Variants in HDAC9 observed in about 807,000 individuals in gnomAD.
The protein encoded by HDAC9 is MEF-2 interacting transcription repressor (MITR) protein.
HDAC9 carries 41 observed loss-of-function variants against 139.4 expected under a neutral mutation model. The ratio of observed to expected loss-of-function variants is 0.29; its 90% confidence interval spans 0.23 to 0.38. The LOEUF is 0.38. Ranked by LOEUF, HDAC9 falls within the 10% of genes least tolerant of loss-of-function variation. HDAC9 has a pLI of 1.00. For synonymous variants in HDAC9, 517 were observed against 476.2 expected, an observed-to-expected ratio of 1.09 and a Z score of -1.12; for missense variants, 1,147 against 1,297.0, an observed-to-expected ratio of 0.88 and a Z score of 1.78.
At chr7:18,500,808 C>T (rs1216608105) in intron 2 of HDAC9, among the ~76,000 whole-genome samples, 1 of 151,844 alleles carries the variant, frequency 6.6e-6, no homozygotes, top group African/African-American at 2.4e-5. Flanking sequence ...AGTATTGCTT[C>T]CTACAAATAG....
chr7:18,122,090 T>C (rs1784398000), intron 1 of HDAC9, among the ~76,000 whole-genome samples: 3 of 152,206 alleles, frequency 2.0e-5, no homozygotes, highest in Admixed American at 1.3e-4. Context: ...CAAGTAACAG[T>C]AATTATAGTA....
At chr7:18,106,763 CAT>C (rs1783235623) in intron 1 of HDAC9, among the ~76,000 whole-genome samples, 1 of 152,134 alleles carries the variant, frequency 6.6e-6, no homozygotes, top group Non-Finnish European at 1.5e-5. Flanking sequence ...CCTGTGTACA[CAT>C]TTCTACCAGA....
At chr7:18,430,739 T>G (rs75341068) in intron 1 of HDAC9, 1 of 140,956 alleles carries the variant, frequency 7.1e-6, no homozygotes, top group African/African-American at 2.6e-5. Context: ...AAAAAAAAAA[T>G]AGTCAGATGT....
intron 1 of HDAC9, among the ~76,000 whole-genome samples, chr7:18,381,001 C>T (rs953317926): frequency 6.6e-6 from 1 of 151,668 alleles, no homozygotes; most frequent in African/African-American, 2.4e-5. Context: ...AATTCAAGAC[C>T]AGCCAGGCCA....
intron 24 of HDAC9, among the ~76,000 whole-genome samples, chr7:18,959,311 C>G (rs1190207511): frequency 6.6e-6 from 1 of 152,014 alleles, no homozygotes; most frequent in Non-Finnish European, 1.5e-5. Flanking sequence ...CTGTGAAACC[C>G]CAAAACATGA....
intron 1 of HDAC9, among the ~76,000 whole-genome samples, chr7:18,327,254 G>A (rs1184138696): frequency 6.6e-6 from 1 of 151,746 alleles, no homozygotes; most frequent in Non-Finnish European, 1.5e-5. Context: ...ATGATGAGCA[G>A]TTACCTACTA....
At chr7:18,660,678 A>G (rs1792840151) in intron 11 of HDAC9, among the ~76,000 whole-genome samples, 1 of 152,144 alleles carries the variant, frequency 6.6e-6, no homozygotes, top group Non-Finnish European at 1.5e-5. Flanking sequence ...ATAATAACAG[A>G]GGTAAAATAT....
At chr7:18,694,067 A>G (rs1782859005) in intron 12 of HDAC9, among the ~76,000 whole-genome samples, 3 of 152,180 alleles carry the variant, frequency 2.0e-5, no homozygotes, top group Non-Finnish European at 4.4e-5. Context: ...TCACATTTGT[A>G]TTTTGCAAGT....
intron 2 of HDAC9, among the ~76,000 whole-genome samples, chr7:18,175,320 A>G (rs1480791857): frequency 6.6e-6 from 1 of 152,182 alleles, no homozygotes; most frequent in Non-Finnish European, 1.5e-5. Context: ...GGAAAAACGC[A>G]GTATTTGGTT....
At chr7:18,778,469 T>G (rs555145237) in intron 16 of HDAC9, among the ~76,000 whole-genome samples, 1 of 152,034 alleles carries the variant, frequency 6.6e-6, no homozygotes, top group Non-Finnish European at 1.5e-5. Context: ...GGCTCTAATG[T>G]GCACTGTCCA....
At chr7:18,515,804 A>G (rs1168660322) in intron 2 of HDAC9, among the ~76,000 whole-genome samples, 1 of 152,226 alleles carries the variant, frequency 6.6e-6, no homozygotes, top group Non-Finnish European at 1.5e-5. Flanking sequence ...GGATAAGTGA[A>G]TGAATGAATG....
intron 2 of HDAC9, among the ~76,000 whole-genome samples, chr7:18,191,099 GAACTT>G (rs1790323920): frequency 6.6e-6 from 1 of 152,124 alleles, no homozygotes; most frequent in Non-Finnish European, 1.5e-5. Context: ...GACTCCCTGA[GAACTT>G]AACCATTAAT....
intron 8 of HDAC9, 69 bp from the exon 9 acceptor site, chr7:18,644,602 A>T: frequency 7.2e-7 from 1 of 1,393,416 alleles, no homozygotes; most frequent in African/African-American, 1.4e-5. Context: ...CCATTTTCTG[A>T]AATGAGAACA....
chr7:18,889,996 G>C (rs1800537264), intron 22 of HDAC9, among the ~76,000 whole-genome samples: 1 of 152,168 alleles, frequency 6.6e-6, no homozygotes, highest in South Asian at 2.1e-4. Context: ...CACCGCCACT[G>C]GCCACTGCCA....
chr7:18,302,614 T>A (rs937935447), intron 1 of HDAC9, among the ~76,000 whole-genome samples: 1 of 152,240 alleles, frequency 6.6e-6, no homozygotes, highest in African/African-American at 2.4e-5. Context: ...AGTTTGAACC[T>A]ACTTTCTAGA....
chr7:18,239,992 T>A (rs1037947371), intron 2 of HDAC9, among the ~76,000 whole-genome samples: 3 of 151,318 alleles, frequency 2.0e-5, no homozygotes, highest in Non-Finnish European at 2.9e-5. Flanking sequence ...GTCCTGGACT[T>A]TGTCCAGGAC....
chr7:18,454,780 G>A (rs1336866183), intron 1 of HDAC9, among the ~76,000 whole-genome samples: 1 of 151,968 alleles, frequency 6.6e-6, no homozygotes, highest in African/African-American at 2.4e-5. Context: ...CCAATTATAT[G>A]AATTTTATTT....
At chr7:18,829,963 A>G (rs1054615189) in intron 19 of HDAC9, among the ~76,000 whole-genome samples, 17 of 152,204 alleles carry the variant, frequency 1.1e-4, no homozygotes, top group African/African-American at 4.1e-4. Flanking sequence ...CTTGTTGTGC[A>G]ACAGTGGTAT....
intron 6 of HDAC9, among the ~76,000 whole-genome samples, chr7:18,606,253 G>T (rs1835473772): frequency 1.3e-5 from 2 of 152,160 alleles, no homozygotes; most frequent in South Asian, 2.1e-4. Context: ...TTGTGGTGAG[G>T]TTGGGAGTGA....
Sources: gnomAD v4.1 joint callset for allele counts (sites outside exome capture counted in the v4.1 genomes callset) on GRCh38, gnomAD v4.1.1 for gene constraint, MANE v1.5 for transcripts, NCBI Gene and HGNC (gene_info 2026-07-23, HGNC 2026-07-21) for gene names.